KIF13A: variants seen among roughly 807,000 people sequenced by gnomAD.
KIF13A encodes kinesin family member 13A, also known as kinesin-like protein KIF13A.
In KIF13A, 79 loss-of-function variants were observed where a neutral mutation model predicts 212.2. The ratio of observed to expected loss-of-function variants is 0.37; its 90% CI spans 0.31 to 0.45. KIF13A has a LOEUF of 0.45. KIF13A is among the 20% of genes least tolerant of loss of function. KIF13A has a pLI of 1.00. For synonymous variants in KIF13A, 789 were observed against 808.6 expected (o/e 0.98, Z 0.41); for missense variants, 1,901 against 2,209.0 (o/e 0.86, Z 2.79).
Position 17,883,727 on chromosome 6 carries a change from T to G in KIF13A, c.160-10290A>C, listed in dbSNP as rs1288338926. Among the ~76,000 whole-genome samples, 1 of 152,144 alleles carries G rather than the reference T, an allele frequency of 6.6e-6. No homozygotes were observed. Among genetic ancestry groups the G allele is most frequent in the Non-Finnish European group, 1.5e-5 (1 of 68,026 alleles). The stretch of plus-strand genomic sequence containing the variant: ...TGATCAAGAAATCCTTTGGGTATAT[T>G]GAACACAGTGAGATGTCTAGGGAAA... On this transcript the variant is annotated intron_variant, in intron 3 of 38. Transcript: ENST00000259711. This position sits in a 1 kb window ranked among gnomAD's most constrained non-coding sequence, Gnocchi z 4.8.
At chr6:17,806,811 G>A (rs530394419) in intron 18 of KIF13A, among the ~76,000 whole-genome samples, 67 of 152,254 alleles carry the variant, frequency 4.4e-4, no homozygotes, top group African/African-American at 1.5e-3. Context: ...CCCGGGAGGC[G>A]GAGGTTGTAG....
At position 17,816,564 on chromosome 6, in the gene KIF13A, C is replaced by T. The variant is rs1435197270; in HGVS notation, c.2000+456G>A. Reference sequence around the variant, plus strand: ...AACTCCTGGGCTTAAGTGATCCTCCCGCCTCAGCCTCCCCAAGTGCTAGGA... The same window carrying T: ...AACTCCTGGGCTTAAGTGATCCTCCTGCCTCAGCCTCCCCAAGTGCTAGGA... On this transcript the variant is annotated intron_variant, in intron 17 of 38. Coordinates refer to ENST00000259711, the MANE Select transcript of KIF13A (RefSeq NM_022113.6). This position sits in a 1 kb window ranked among gnomAD's most constrained non-coding sequence, Gnocchi z 4.3. Among the ~76,000 whole-genome samples the T allele has an allele frequency of 6.6e-6, 1 of 151,566 alleles. No individual in the cohort carries two copies. Among genetic ancestry groups the T allele is most frequent in the Non-Finnish European group, 1.5e-5 (1 of 67,864 alleles).
chr6:17,870,012 G>T (rs1447088357), intron 4 of KIF13A, among the ~76,000 whole-genome samples: 1 of 152,168 alleles, frequency 6.6e-6, no homozygotes, highest in Non-Finnish European at 1.5e-5. Flanking sequence ...AGAAGGAATT[G>T]TTATTTTTTA....
In KIF13A at chr6:17,794,764, G is replaced by T. The variant is rs1375375233; in HGVS notation, c.2943-60C>A. ...TCGTCCAGGGATACTGTTAGTAATAGTAATAAGCCACCATTCACTGAGCAC... is the reference window on the plus strand; with the variant it reads ...TCGTCCAGGGATACTGTTAGTAATATTAATAAGCCACCATTCACTGAGCAC... On this transcript the variant is annotated intron_variant, in intron 23 of 38. Coordinates refer to ENST00000259711, the MANE Select transcript of KIF13A (RefSeq NM_022113.6). The surrounding 1 kb of genome is among the most constrained non-coding windows in gnomAD (Gnocchi z 4.1). 2.0e-6 allele frequency: 3 copies of T among 1,538,296 alleles called. No individual in the cohort carries two copies. Among genetic ancestry groups the T allele is most frequent in the Middle Eastern group, 1.7e-4 (1 of 5,766 alleles).
intron 26 of KIF13A, among the ~76,000 whole-genome samples, chr6:17,788,525 T>C (rs1482104971): frequency 6.6e-6 from 1 of 152,232 alleles, no homozygotes; most frequent in Non-Finnish European, 1.5e-5. Context: ...CGCAGGACGT[T>C]AGTCAATGGC....
chr6:17,908,674 T>TA (rs559322453), intron 2 of KIF13A, among the ~76,000 whole-genome samples: 1,449 of 144,170 alleles, frequency 0.01, 15 homozygotes, highest in African/African-American at 0.027. Context: ...TATGCCTTCT[T>TA]AAAAAAAAAA....
intron 3 of KIF13A, among the ~76,000 whole-genome samples, chr6:17,880,036 T>C (rs1770914603): frequency 6.6e-6 from 1 of 152,172 alleles, no homozygotes; most frequent in Non-Finnish European, 1.5e-5. Context: ...GGCATGGTCA[T>C]AGCTCACTGC....
rs1766151233 is a variant in KIF13A, at chr6:17,838,140, G to A, written c.831-557C>T. On this transcript the variant is annotated intron_variant, in intron 9 of 38. Coordinates refer to ENST00000259711, the MANE Select transcript of KIF13A (RefSeq NM_022113.6). The surrounding 1 kb of genome is among the most constrained non-coding windows in gnomAD (Gnocchi z 4.2). Reference sequence around the variant, plus strand: ...AGATCAAGACCATCCTGGCCAACATGGTGAAACCCCATCTCTACTAAAAAT... The same window carrying A: ...AGATCAAGACCATCCTGGCCAACATAGTGAAACCCCATCTCTACTAAAAAT... Among the ~76,000 whole-genome samples the A allele has an allele frequency of 6.6e-6, 1 of 151,812 alleles. No homozygotes were observed. The highest frequency in any genetic ancestry group is 1.5e-5 in the Non-Finnish European group (1 of 67,972).
Position 17,918,018 on chromosome 6 carries a change from T to C in KIF13A, c.147-19838A>G, listed in dbSNP as rs1342605366. On this transcript the variant is annotated intron_variant, in intron 2 of 38. Coordinates refer to ENST00000259711, the MANE Select transcript of KIF13A (RefSeq NM_022113.6). This position sits in a 1 kb window ranked among gnomAD's most constrained non-coding sequence, Gnocchi z 4.8. ...ATTCCCTGACCTTCCTGTCCTGGAA[T>C]TCTGTTTCCTCGTGGCACCTGTTGC... is the stretch of plus-strand genomic sequence containing the variant. 6.6e-6 allele frequency among the ~76,000 whole-genome samples: 1 copy of C among 152,032 alleles called. No individual in the cohort carries two copies.
At chr6:17,942,197 G>C (rs539926358) in intron 2 of KIF13A, among the ~76,000 whole-genome samples, 7 of 152,096 alleles carry the variant, frequency 4.6e-5, no homozygotes, top group Middle Eastern at 3.4e-3. Flanking sequence ...AGCTACTCGG[G>C]AGGCTGAGGT....
intron 25 of KIF13A, among the ~76,000 whole-genome samples, chr6:17,791,108 CT>C (rs75867605): frequency 5.6e-3 from 763 of 136,932 alleles, no homozygotes; most frequent in Middle Eastern, 7.6e-3. Flanking sequence ...AAATGAACTG[CT>C]TTTTTTTTTT....
At chr6:17,821,959 A>G (rs1192066108) in intron 16 of KIF13A, 2 of 1,530,094 alleles carry the variant, frequency 1.3e-6, no homozygotes, top group African/African-American at 2.7e-5. Flanking sequence ...GCACATCAGC[A>G]CTTGCATCAG....
At position 17,898,252 on chromosome 6, in the gene KIF13A, G is replaced by A. The variant is rs947670339; in HGVS notation, c.147-72C>T. ...TGTCAACACAGCAGCCACATCAGAG[G>A]GAAACAATGAAAGAGAAAAAAATAA... On this transcript the variant is annotated intron_variant, in intron 2 of 38. Transcript: ENST00000259711. This position sits in a 1 kb window ranked among gnomAD's most constrained non-coding sequence, Gnocchi z 5.2. 4.2e-6 allele frequency: 6 copies of A among 1,431,998 alleles called. No homozygotes were observed. In the East Asian group the frequency reaches 6.9e-5, roughly 16 times the overall value. The allele number at this position is 1,431,998 out of a possible 1,614,324, so 88.7% of individuals were successfully genotyped here. A position where few individuals can be genotyped will look rare whatever the true frequency, so the allele number is the denominator to read the frequency against.
intron 4 of KIF13A, among the ~76,000 whole-genome samples, chr6:17,866,830 T>C (rs1369835985): frequency 2.2e-3 from 4 of 1,850 alleles, no homozygotes; most frequent in South Asian, 0.025. Flanking sequence ...AAGCAGCGCA[T>C]ATATATATAT....
intron 16 of KIF13A, among the ~76,000 whole-genome samples, chr6:17,822,893 C>G (rs7770400): frequency 6.6e-6 from 1 of 152,096 alleles, no homozygotes; most frequent in African/African-American, 2.4e-5. Flanking sequence ...TGAATCTTGA[C>G]TCCTAGCTAT....
intron 2 of KIF13A, among the ~76,000 whole-genome samples, chr6:17,944,071 C>T (rs979670837): frequency 2.0e-5 from 3 of 152,152 alleles, no homozygotes; most frequent in African/African-American, 2.4e-5. Flanking sequence ...TCCAACTCTA[C>T]GTTATTATCT....
intron 3 of KIF13A, chr6:17,881,851 C>T (rs1461144654): frequency 1.1e-5 from 4 of 354,810 alleles, no homozygotes; most frequent in Non-Finnish European, 2.2e-5. Context: ...CAAAAATTAG[C>T]TGGGTATGGT....
In KIF13A at chr6:17,787,699, A is replaced by G. The variant is rs560699631; in HGVS notation, c.3361+77T>C. The stretch of plus-strand genomic sequence containing the variant: ...AAAAATAAGATACTACTGTCCAGTT[A>G]GGGGAAGAAAACGACCTACTGCCAT... On this transcript the variant is annotated intron_variant, in intron 27 of 38. Transcript: ENST00000259711. The surrounding 1 kb of genome is among the most constrained non-coding windows in gnomAD (Gnocchi z 4.6). The G allele has an allele frequency of 5.5e-5, 45 of 813,760 alleles. No individual in the cohort carries two copies. Among genetic ancestry groups the G allele is most frequent in the Non-Finnish European group, 9.3e-5 (43 of 461,338 alleles). The allele number at this position is 813,760 out of a possible 1,614,324, so 50.4% of individuals were successfully genotyped here.
At chr6:17,812,652 T>A (rs1333201076) in intron 17 of KIF13A, 1 of 152,226 alleles carries the variant, frequency 6.6e-6, no homozygotes, top group African/African-American at 2.4e-5. Flanking sequence ...TGTGCATGTG[T>A]CTTTATGGTA....
Sources: gnomAD v4.1 joint callset for allele counts (sites outside exome capture counted in the v4.1 genomes callset) on GRCh38, gnomAD v4.1.1 for gene constraint, Gnocchi (gnomAD v3.1) non-coding constraint, MANE v1.5 for transcripts, NCBI Gene and HGNC (gene_info 2026-07-23, HGNC 2026-07-21) for gene names.